RPH3AL: variants seen among roughly 807,000 people sequenced by gnomAD.
The protein encoded by RPH3AL is rabphilin 3A like (without C2 domains), also known as rab effector Noc2.
RPH3AL carries 38 observed loss-of-function variants against 43.1 expected under a neutral mutation model. That is an observed-to-expected ratio of 0.88 (90% confidence interval 0.68 to 1.15). RPH3AL has a LOEUF of 1.15. Ranked by LOEUF, RPH3AL falls within the 50% of genes most tolerant of loss-of-function variation. The pLI is 0.00. For synonymous variants in RPH3AL, 189 were observed against 176.3 expected (o/e 1.07, Z -0.57); for missense variants, 462 against 423.2 (o/e 1.09, Z -0.81).
In RPH3AL at chr17:305,602, G is replaced by T. The variant is rs190877436; in HGVS notation, c.351+13818C>A. 5.8e-3 allele frequency among the ~76,000 whole-genome samples: 876 copies of T among 152,160 alleles called. 7 individuals carry two copies. Among genetic ancestry groups the T allele is most frequent in the Middle Eastern group, 0.034 (10 of 294 alleles). ...CCAACATCTCAAGAGCAGGACACCC[G>T]AGTGGAGATACTAGGTCACAGGAAT... On this transcript the variant is annotated intron_variant, in intron 5 of 9. Transcript: ENST00000331302.
Position 285,712 on chromosome 17 carries a change from C to T in RPH3AL, c.352-3858G>A, listed in dbSNP as rs151324392. Among the ~76,000 whole-genome samples, 11 of 152,336 alleles carry T rather than the reference C, an allele frequency of 7.2e-5. 1 individual carries two copies. The East Asian group carries it at 1.5e-3, about 21-fold the overall frequency. On this transcript the variant is annotated intron_variant, in intron 5 of 9. Transcript: ENST00000331302. Reference sequence around the variant, plus strand: ...CAGAGAAATACATTTTCATCCTCACCGTGAGGTTCTGCAGGACGGCGCTCG... The same window carrying T: ...CAGAGAAATACATTTTCATCCTCACTGTGAGGTTCTGCAGGACGGCGCTCG...
chr17:341,260 C>T (rs2045113920), intron 1 of RPH3AL: 1 of 152,086 alleles, frequency 6.6e-6, no homozygotes, highest in Admixed American at 6.6e-5. Context: ...TCCTACTGGA[C>T]CAAACACTCC....
chr17:316,469 G>C (rs2044197877), intron 5 of RPH3AL, among the ~76,000 whole-genome samples: 1 of 147,654 alleles, frequency 6.8e-6, no homozygotes, highest in African/African-American at 2.5e-5. Context: ...CTGACCTGTA[G>C]TCTCTGTGCC....
chr17:316,515 T>G (rs2044203769), intron 5 of RPH3AL, among the ~76,000 whole-genome samples: 1 of 144,386 alleles, frequency 6.9e-6, no homozygotes, highest in African/African-American at 2.6e-5. Context: ...GTGCTCCACC[T>G]CCAGTGACCT....
At chr17:299,823 A>G (rs2151635686) in intron 5 of RPH3AL, among the ~76,000 whole-genome samples, 1 of 152,358 alleles carries the variant, frequency 6.6e-6, no homozygotes, top group South Asian at 2.1e-4. Context: ...GGATTTGCCA[A>G]CGATGCTTCT....
At chr17:221,848 C>A (rs370335625) in intron 7 of RPH3AL, among the ~76,000 whole-genome samples, 224 of 86,194 alleles carry the variant, frequency 2.6e-3, no homozygotes, top group Middle Eastern at 0.012. Flanking sequence ...GACCCAAGAA[C>A]AACAGCTCTG....
intron 5 of RPH3AL, among the ~76,000 whole-genome samples, chr17:285,059 T>A (rs2042873847): frequency 6.6e-6 from 1 of 152,142 alleles, no homozygotes; most frequent in African/African-American, 2.4e-5. Context: ...ACGTAGGTAT[T>A]TTGGGGTGAT....
intron 7 of RPH3AL, among the ~76,000 whole-genome samples, chr17:241,035 G>A (rs558233267): frequency 6.7e-5 from 10 of 149,310 alleles, no homozygotes; most frequent in African/African-American, 1.7e-4. Context: ...CCAGCCTGGC[G>A]ACAGAGTGAG....
chr17:292,990 G>T, intron 5 of RPH3AL, among the ~76,000 whole-genome samples: 1 of 152,196 alleles, frequency 6.6e-6, no homozygotes, highest in Non-Finnish European at 1.5e-5. Context: ...AGTCTCCCTG[G>T]ACTTCCCACC....
At chr17:348,751 C>T (rs921279207) in intron 1 of RPH3AL, among the ~76,000 whole-genome samples, 2 of 152,132 alleles carry the variant, frequency 1.3e-5, no homozygotes, top group Non-Finnish European at 1.5e-5. Context: ...GAGGAAGGTA[C>T]GTACTGTCCA....
chr17:224,686 T>C (rs911981376), intron 7 of RPH3AL, among the ~76,000 whole-genome samples: 1 of 152,072 alleles, frequency 6.6e-6, no homozygotes, highest in African/African-American at 2.4e-5. Flanking sequence ...CATGGACTAT[T>C]CTCAATAGCA....
chr17:239,049 G>T (rs2041467321), intron 7 of RPH3AL, among the ~76,000 whole-genome samples: 2 of 152,128 alleles, frequency 1.3e-5, no homozygotes, highest in Non-Finnish European at 2.9e-5. Flanking sequence ...GTACCAAGAG[G>T]TACTCAGGCC....
At chr17:276,717 AT>A (rs1319472966) in intron 6 of RPH3AL, among the ~76,000 whole-genome samples, 1 of 152,154 alleles carries the variant, frequency 6.6e-6, no homozygotes, top group African/African-American at 2.4e-5. Flanking sequence ...TAATTAATTA[AT>A]TTTTAAAAAA....
intron 6 of RPH3AL, among the ~76,000 whole-genome samples, chr17:272,985 TACGTCAGGGTGAGACCCCAGC>T (rs2042528342): frequency 1.9e-4 from 7 of 36,358 alleles, no homozygotes; most frequent in Admixed American, 9.7e-4. Context: ...CAGCAAGGGC[TACGTCAGGGTGAGACCCCAGC>T]GAGGGCGACA....
intron 1 of RPH3AL, among the ~76,000 whole-genome samples, chr17:342,687 G>T (rs973628364): frequency 4.6e-5 from 7 of 152,166 alleles, no homozygotes; most frequent in African/African-American, 1.7e-4. Flanking sequence ...GTTGCCTAGG[G>T]CTTGTTGGGG....
At chr17:248,690 ACT>A (rs1404114876) in intron 6 of RPH3AL, among the ~76,000 whole-genome samples, 2 of 151,566 alleles carry the variant, frequency 1.3e-5, no homozygotes, top group African/African-American at 2.4e-5. Context: ...CAGGCTCCCC[ACT>A]CCTGCTGTCC....
rs73971657 is a variant in RPH3AL, at chr17:213,756, G to C, written c.*96C>G. ...TGGTTTGTTGAGTCATGGCCAACAGGGTGTCTGGTGAGGGCACAAGGACCG... is the reference window on the plus strand; with the variant it reads ...TGGTTTGTTGAGTCATGGCCAACAGCGTGTCTGGTGAGGGCACAAGGACCG... On this transcript the variant is annotated 3_prime_UTR_variant, in exon 10 of 10. Coordinates refer to ENST00000331302, the MANE Select transcript of RPH3AL (RefSeq NM_006987.4). 9.7e-3 allele frequency: 9,392 copies of C among 973,120 alleles called. 586 individuals carry two copies. In the African/African-American group the frequency reaches 0.13, roughly 14 times the overall value. 60.3% of individuals were successfully genotyped at this position (973,120 alleles called of 1,614,324 possible). A position where few individuals can be genotyped will look rare whatever the true frequency, so the allele number is the denominator to read the frequency against.
chr17:215,695 G>C lies in RPH3AL; in HGVS notation c.835C>G (p.Pro279Ala), dbSNP rs2040781938. The change falls in exon 9 of 10, where the codon CCG (proline) becomes GCG (alanine). Residue 279 changes from proline to alanine, a missense_variant. Physicochemically the swap from Pro to Ala is conservative, Grantham distance 27. Coordinates refer to ENST00000331302, the MANE Select transcript of RPH3AL (RefSeq NM_006987.4). The surrounding 1 kb of genome is among the most constrained non-coding windows in gnomAD (Gnocchi z 4.1). ...AGCCCGGGGCGGGGTCCCCCTGGCG[G>C]GTCAGCAGAGCCTGTCCCCGTCTCA... ...SGETGTGSADPPGGPRPGLTR... is the reference protein window; with the variant it reads ...SGETGTGSADAPGGPRPGLTR... 3.1e-6 allele frequency: 4 copies of C among 1,277,252 alleles called. No individual in the cohort carries two copies. In the East Asian group the frequency reaches 1.3e-4, roughly 40 times the overall value. 79.1% of individuals were successfully genotyped at this position (1,277,252 alleles called of 1,614,324 possible).
At chr17:214,987 G>C (rs1331989322) in intron 9 of RPH3AL, among the ~76,000 whole-genome samples, 1 of 152,152 alleles carries the variant, frequency 6.6e-6, no homozygotes, top group Non-Finnish European at 1.5e-5. Context: ...CATCGAGTGG[G>C]GAAGGAGAGA....
Sources: gnomAD v4.1 joint callset for allele counts (sites outside exome capture counted in the v4.1 genomes callset) on GRCh38, gnomAD v4.1.1 for gene constraint, Gnocchi (gnomAD v3.1) non-coding constraint, MANE v1.5 for transcripts, NCBI Gene and HGNC (gene_info 2026-07-23, HGNC 2026-07-21) for gene names.